The following CHCHD6 variants were observed in gnomAD, a reference collection of about 807,000 sequenced individuals.
CHCHD6 encodes the protein MICOS complex subunit MIC25.
A neutral mutation model predicts 32.3 loss-of-function variants in CHCHD6; 28 were observed. The ratio of observed to expected loss-of-function variants is 0.87; its 90% CI spans 0.64 to 1.19. The LOEUF is 1.19. CHCHD6 is among the 50% of genes most tolerant of loss of function. The pLI is 0.00. For missense variants in CHCHD6, 333 were observed against 307.0 expected (o/e 1.08, Z -0.63); for synonymous variants, 122 against 117.5 (o/e 1.04, Z -0.25).
intron 6 of CHCHD6, 139 bp from the exon 7 acceptor site, chr3:126,957,277 C>T: frequency 2.1e-6 from 2 of 951,770 alleles, no homozygotes; most frequent in East Asian, 2.6e-5. Flanking sequence ...AGTGCTTCTC[C>T]TTGAGGGTTA....
At chr3:126,717,764 G>C (rs1935086696) in intron 1 of CHCHD6, among the ~76,000 whole-genome samples, 1 of 138,952 alleles carries the variant, frequency 7.2e-6, no homozygotes, top group Admixed American at 7.5e-5. Flanking sequence ...TGGAAGTGCT[G>C]AGGGGTGTGT....
chr3:126,849,230 C>T (rs982424180), intron 4 of CHCHD6, among the ~76,000 whole-genome samples: 5 of 152,242 alleles, frequency 3.3e-5, no homozygotes, highest in African/African-American at 9.6e-5. Flanking sequence ...CCCGCTTGTG[C>T]GGAATGTGGT....
At chr3:126,833,859 TCC>T (rs1940739861) in intron 4 of CHCHD6, among the ~76,000 whole-genome samples, 1 of 151,444 alleles carries the variant, frequency 6.6e-6, no homozygotes, top group Non-Finnish European at 1.5e-5. Context: ...ATCGAGACCA[TCC>T]CGGCTAAAAC....
rs1559890998 is a variant in CHCHD6, at chr3:126,865,100, C to CTCCTTT, written c.495+12370_495+12371insTCCTTT. On this transcript the variant is annotated intron_variant, in intron 5 of 7. Transcript: ENST00000290913. ...CCTCCACTTCTTCCTCCTCCTCCTC[C>CTCCTTT]ACCACCACCTCCACTTCTTCCTCCT... is the stretch of plus-strand genomic sequence containing the variant. 7.4e-5 allele frequency among the ~76,000 whole-genome samples: 9 copies of CTCCTTT among 120,994 alleles called. No homozygotes were observed. In the East Asian group the frequency reaches 1.4e-3, roughly 19 times the overall value. 79.4% of individuals were successfully genotyped at this position (120,994 alleles called of 152,430 possible). A position where few individuals can be genotyped will look rare whatever the true frequency, so the allele number is the denominator to read the frequency against.
intron 5 of CHCHD6, among the ~76,000 whole-genome samples, chr3:126,892,821 G>A (rs2077783285): frequency 6.6e-6 from 1 of 152,212 alleles, no homozygotes; most frequent in African/African-American, 2.4e-5. Context: ...CAGCACTTCT[G>A]CCTGCCATTG....
chr3:126,847,525 C>T (rs181105599), intron 4 of CHCHD6, among the ~76,000 whole-genome samples: 102 of 152,250 alleles, frequency 6.7e-4, no homozygotes, highest in Non-Finnish European at 2.6e-4. Context: ...TTGGAAGTGA[C>T]ATCCCATCAC....
chr3:126,785,593 G>C (rs1201141157), intron 4 of CHCHD6, among the ~76,000 whole-genome samples: 1 of 152,032 alleles, frequency 6.6e-6, no homozygotes, highest in Non-Finnish European at 1.5e-5. Context: ...TTTTTAAATT[G>C]TAAAATTTAC....
intron 4 of CHCHD6, among the ~76,000 whole-genome samples, chr3:126,748,174 C>G (rs1936581629): frequency 6.6e-6 from 1 of 152,164 alleles, no homozygotes; most frequent in Non-Finnish European, 1.5e-5. Flanking sequence ...ACCAATAGAC[C>G]TTTCCCAAGC....
rs146915217 is a variant in CHCHD6 at position 126,893,696 on chromosome 3, C to G, written c.496-20984C>G. Among the ~76,000 whole-genome samples, 3 of 152,328 alleles carry G rather than the reference C, an allele frequency of 2.0e-5. No individual in the cohort carries two copies. The East Asian group carries it at 5.8e-4, about 29-fold the overall frequency. ...TACCTGGGGAGAAACACTGAACCCC[C>G]GCTAAGGGGAGATAGTTAAAACATG... On this transcript the variant is annotated intron_variant, in intron 5 of 7. Transcript: ENST00000290913.
chr3:126,801,971 T>C (rs1306772956), intron 4 of CHCHD6, among the ~76,000 whole-genome samples: 5 of 152,186 alleles, frequency 3.3e-5, no homozygotes, highest in African/African-American at 1.2e-4. Flanking sequence ...AGTGGACCTC[T>C]AGCAAACTCC....
rs951652836 is a variant in CHCHD6, at chr3:126,790,076, C to T, written c.411+56854C>T. On this transcript the variant is annotated intron_variant, in intron 4 of 7. Coordinates refer to ENST00000290913, the MANE Select transcript of CHCHD6 (RefSeq NM_032343.3). ...CTGTAAAGGATTTTATTTCTCTTCA[C>T]TTATGAAGCTTAGTTTGGCTGGATA... 1.1e-4 allele frequency among the ~76,000 whole-genome samples: 17 copies of T among 152,058 alleles called. No individual in the cohort carries two copies. In the East Asian group the frequency reaches 2.5e-3, roughly 22 times the overall value.
At chr3:126,896,831 G>A (rs1394381553) in intron 5 of CHCHD6, among the ~76,000 whole-genome samples, 1 of 152,224 alleles carries the variant, frequency 6.6e-6, no homozygotes, top group Non-Finnish European at 1.5e-5. Context: ...CTGGAGCGCA[G>A]AGGAGACATG....
intron 5 of CHCHD6, among the ~76,000 whole-genome samples, chr3:126,893,857 G>A (rs1023140680): frequency 6.6e-6 from 1 of 152,246 alleles, no homozygotes; most frequent in African/African-American, 2.4e-5. Flanking sequence ...GAAGCAGCCA[G>A]CTCCTGGGGG....
chr3:126,892,739 G>A (rs2107578937), intron 5 of CHCHD6, among the ~76,000 whole-genome samples: 1 of 152,294 alleles, frequency 6.6e-6, no homozygotes, highest in East Asian at 1.9e-4. Flanking sequence ...GGCATACTCT[G>A]TTCCTCTTAG....
At chr3:126,939,142 C>T (rs529278530) in intron 6 of CHCHD6, among the ~76,000 whole-genome samples, 3 of 152,268 alleles carry the variant, frequency 2.0e-5, no homozygotes, top group Admixed American at 2.0e-4. Context: ...GAGTAAGGTT[C>T]CAGTTCAAGC....
At chr3:126,920,841 A>G (rs548973676) in intron 6 of CHCHD6, among the ~76,000 whole-genome samples, 3 of 152,156 alleles carry the variant, frequency 2.0e-5, no homozygotes, top group African/African-American at 7.2e-5. Flanking sequence ...TTTGAGGGGG[A>G]AAGTGGGTCT....
At position 126,715,068 on chromosome 3, in the gene CHCHD6, C is replaced by T. The variant is rs146844821; in HGVS notation, c.87+10669C>T. Reference sequence around the variant, plus strand: ...GTAGGTTGTCTGTTTTGTGGGTATACGGATGCTCTGCCCGTCCATCTCCCT... The same window carrying T: ...GTAGGTTGTCTGTTTTGTGGGTATATGGATGCTCTGCCCGTCCATCTCCCT... On this transcript the variant is annotated intron_variant, in intron 1 of 7. Transcript: ENST00000290913. Among the ~76,000 whole-genome samples the T allele has an allele frequency of 1.4e-4, 21 of 152,252 alleles. No homozygotes were observed. The East Asian group carries it at 2.3e-3, about 17-fold the overall frequency.
chr3:126,714,103 A>AAG (rs1162121930), intron 1 of CHCHD6, among the ~76,000 whole-genome samples: 2 of 146,160 alleles, frequency 1.4e-5, no homozygotes, highest in African/African-American at 2.5e-5. Flanking sequence ...AAAAAAAAAA[A>AAG]GTTGGGAGGC....
chr3:126,859,895 C>T (rs1032994919), intron 5 of CHCHD6, among the ~76,000 whole-genome samples: 11 of 152,196 alleles, frequency 7.2e-5, no homozygotes, highest in African/African-American at 2.7e-4. Context: ...GGCGTGAAGG[C>T]CCCGTGAGCT....
Sources: allele counts gnomAD v4.1 joint callset (sites outside exome capture counted in the v4.1 genomes callset), GRCh38; gene constraint gnomAD v4.1.1; transcripts MANE v1.5; gene names NCBI Gene and HGNC (gene_info 2026-07-23, HGNC 2026-07-21).